FGF14: variants seen among roughly 807,000 people sequenced by gnomAD.
FGF14 encodes the protein fibroblast growth factor homologous factor 4.
A neutral mutation model predicts 25.5 loss-of-function variants in FGF14; 5 were observed. That is an observed-to-expected ratio of 0.20 (90% CI 0.10 to 0.41). The LOEUF (loss-of-function observed/expected upper bound fraction) is 0.41. Ranked by LOEUF, FGF14 falls within the 10% of genes least tolerant of loss-of-function variation. The pLI is 1.00. For synonymous variants in FGF14, 138 were observed against 118.3 expected (o/e 1.17, Z -1.08); for missense variants, 222 against 320.1 (o/e 0.69, Z 2.34).
chr13:102,142,412 G>A (rs1185737794), intron 1 of FGF14, among the ~76,000 whole-genome samples: 1 of 151,986 alleles, frequency 6.6e-6, no homozygotes, highest in South Asian at 2.1e-4. Context: ...AAATGGAAAA[G>A]GAAAAAACCC....
chr13:102,032,735 C>T (rs556348635), intron 1 of FGF14, among the ~76,000 whole-genome samples: 4 of 152,128 alleles, frequency 2.6e-5, no homozygotes, highest in Non-Finnish European at 5.9e-5. Context: ...AGGAACAACA[C>T]TGACCCTTGC....
chr13:102,083,424 T>G (rs1221375482), intron 1 of FGF14, among the ~76,000 whole-genome samples: 3 of 137,622 alleles, frequency 2.2e-5, no homozygotes, highest in East Asian at 1.9e-4. Context: ...AAGTGTTGGG[T>G]TTTTTTTTAA....
At chr13:102,246,028 T>G (rs570070392) in intron 1 of FGF14, among the ~76,000 whole-genome samples, 1 of 152,072 alleles carries the variant, frequency 6.6e-6, no homozygotes, top group Non-Finnish European at 1.5e-5. Flanking sequence ...ATTCCTTTCT[T>G]TCTAAAACAG....
At chr13:101,828,131 A>G (rs1446771792) in intron 3 of FGF14, among the ~76,000 whole-genome samples, 1 of 152,038 alleles carries the variant, frequency 6.6e-6, no homozygotes, top group Non-Finnish European at 1.5e-5. Context: ...TATATCACAT[A>G]CAGATATTGT....
intron 1 of FGF14, among the ~76,000 whole-genome samples, chr13:101,913,342 T>C (rs890678202): frequency 9.2e-5 from 14 of 152,204 alleles, no homozygotes; most frequent in Non-Finnish European, 2.9e-5. Context: ...ACACCATTAA[T>C]AGCCATCTTG....
chr13:101,961,030 TA>T (rs1396397936), intron 1 of FGF14, among the ~76,000 whole-genome samples: 1 of 152,206 alleles, frequency 6.6e-6, no homozygotes, highest in Middle Eastern at 3.2e-3. Flanking sequence ...GCCCATTTTT[TA>T]ATGGGATTTT....
At chr13:101,924,374 A>G (rs2034218500) in intron 1 of FGF14, among the ~76,000 whole-genome samples, 1 of 149,062 alleles carries the variant, frequency 6.7e-6, no homozygotes, top group African/African-American at 2.6e-5. Context: ...CTGCACACAC[A>G]TGTTGTATGC....
Position 102,169,659 on chromosome 13 carries a change from G to T in FGF14, c.208+231812C>A, listed in dbSNP as rs182384243. On this transcript the variant is annotated intron_variant, in intron 1 of 4. Transcript: ENST00000376131. Reference sequence around the variant, plus strand: ...GATGCGCACATGTTAAAGAAGTGGGGTTTTTTTTGTTTCCTGTTAACTGAT... The same window carrying T: ...GATGCGCACATGTTAAAGAAGTGGGTTTTTTTTTGTTTCCTGTTAACTGAT... 5.7e-3 allele frequency among the ~76,000 whole-genome samples: 865 copies of T among 152,046 alleles called. 3 individuals carry two copies. The highest frequency in any genetic ancestry group is 9.6e-3 in the Non-Finnish European group (649 of 67,954).
At chr13:102,026,396 T>C (rs746959714) in intron 1 of FGF14, among the ~76,000 whole-genome samples, 4 of 151,850 alleles carry the variant, frequency 2.6e-5, no homozygotes, top group Non-Finnish European at 5.9e-5. Context: ...TTGATCAATA[T>C]ACTTATTTCC....
chr13:102,354,718 T>C (rs997889067), intron 1 of FGF14, among the ~76,000 whole-genome samples: 10 of 152,194 alleles, frequency 6.6e-5, no homozygotes, highest in African/African-American at 2.4e-4. Flanking sequence ...AACTTCTAAA[T>C]TGATTGAGTC....
intron 1 of FGF14, among the ~76,000 whole-genome samples, chr13:102,232,893 T>C (rs563880154): frequency 7.2e-5 from 11 of 152,318 alleles, no homozygotes; most frequent in Non-Finnish European, 1.5e-4. Context: ...AATGTGCTTA[T>C]ATATTAGGTG....
At chr13:102,124,546 G>T (rs577772198) in intron 1 of FGF14, among the ~76,000 whole-genome samples, 1 of 152,184 alleles carries the variant, frequency 6.6e-6, no homozygotes, top group African/African-American at 2.4e-5. Flanking sequence ...TAAACAAAAG[G>T]AAAGTCATCA....
chr13:102,158,690 C>T (rs928686728), intron 1 of FGF14, among the ~76,000 whole-genome samples: 2 of 151,870 alleles, frequency 1.3e-5, no homozygotes, highest in African/African-American at 4.8e-5. Flanking sequence ...AATCTTTGAA[C>T]TGATCCAATG....
chr13:101,918,938 A>C (rs1005362243), upstream of FGF14, among the ~76,000 whole-genome samples: 1 of 152,236 alleles, frequency 6.6e-6, no homozygotes, highest in Non-Finnish European at 1.5e-5. Flanking sequence ...AGAAACTTGC[A>C]ATCCCTAGTC....
chr13:102,298,505 T>C (rs1429622952), intron 1 of FGF14, among the ~76,000 whole-genome samples: 1 of 152,236 alleles, frequency 6.6e-6, no homozygotes. Context: ...AGACATTCTA[T>C]TGAAGGTGAT....
intron 1 of FGF14, among the ~76,000 whole-genome samples, chr13:102,227,617 G>T (rs1189860579): frequency 1.3e-5 from 2 of 152,146 alleles, no homozygotes; most frequent in African/African-American, 4.8e-5. Context: ...TGCAACGTCA[G>T]TCATACATCT....
At chr13:102,108,239 A>G (rs371372484) in intron 1 of FGF14, among the ~76,000 whole-genome samples, 1 of 152,086 alleles carries the variant, frequency 6.6e-6, no homozygotes, top group Non-Finnish European at 1.5e-5. Flanking sequence ...AATTTTTAAA[A>G]TTTTCTTTCC....
At chr13:101,978,339 C>T (rs1284375694) in intron 1 of FGF14, among the ~76,000 whole-genome samples, 1 of 152,138 alleles carries the variant, frequency 6.6e-6, no homozygotes, top group Non-Finnish European at 1.5e-5. Flanking sequence ...CTACTATAAT[C>T]ATACTCTTTA....
At chr13:101,764,350 G>A (rs2038244257) in intron 3 of FGF14, among the ~76,000 whole-genome samples, 1 of 152,140 alleles carries the variant, frequency 6.6e-6, no homozygotes, top group Non-Finnish European at 1.5e-5. Context: ...GGTAGTAATG[G>A]GTGAGAAAGT....
Sources: gnomAD v4.1 joint callset for allele counts (sites outside exome capture counted in the v4.1 genomes callset) on GRCh38, gnomAD v4.1.1 for gene constraint, MANE v1.5 for transcripts, NCBI Gene and HGNC (gene_info 2026-07-23, HGNC 2026-07-21) for gene names.